ANAPC4: variants seen among roughly 807,000 people sequenced by gnomAD.
ANAPC4 encodes the protein anaphase promoting complex subunit 4.
Under a neutral mutation model 119.8 loss-of-function variants are expected in ANAPC4, and 63 were observed. The observed-to-expected ratio is 0.53, with a 90% confidence interval of 0.43 to 0.65. The LOEUF is 0.65. Among genes scored for constraint, ANAPC4 ranks in the 30% least tolerant of loss-of-function variants. The pLI is 0.00. For missense variants in ANAPC4, 716 were observed against 945.1 expected (o/e 0.76, Z 3.18); for synonymous variants, 283 against 318.6 (o/e 0.89, Z 1.19).
chr4:25,399,236 AT>A (rs1292602344), intron 16 of ANAPC4, among the ~76,000 whole-genome samples: 1 of 152,148 alleles, frequency 6.6e-6, no homozygotes, highest in Non-Finnish European at 1.5e-5. Flanking sequence ...AAATTTAGGA[AT>A]TTTTAACATT....
chr4:25,418,089 TTTCTAATTC>T (rs1723979694), intron 28 of ANAPC4, 57 bp from the exon 29 acceptor site: 1 of 1,394,478 alleles, frequency 7.2e-7, no homozygotes, highest in Admixed American at 2.1e-5. Flanking sequence ...AGACTTCTGA[TTTCTAATTC>T]TTTATATATG....
chr4:25,414,379 C>A lies in ANAPC4; in HGVS notation c.1679C>A (p.Thr560Asn). The change falls in exon 23 of 29, where the codon ACC (threonine) becomes AAC (asparagine). Residue 560 changes from threonine to asparagine, a missense_variant. Physicochemically the swap from Thr to Asn is moderately conservative, Grantham distance 65. Around this residue, in one of 3 missense-constraint regions of ANAPC4, gnomAD observed 504 missense variants for 615.8 expected, o/e 0.82. Coordinates refer to ENST00000315368, the MANE Select transcript of ANAPC4 (RefSeq NM_013367.3). ...ATCTGTATTCCATTGTATAGAGATA[C>A]CAGAAGGTAATTCTGTTTACCTATT... ...QAICIPLYRD[T>N]RSEDSTRRLF... The A allele has an allele frequency of 1.9e-6, 3 of 1,604,424 alleles. No homozygotes were observed. Among genetic ancestry groups the A allele is most frequent in the Non-Finnish European group, 2.6e-6 (3 of 1,173,680 alleles).
At chr4:25,416,819 T>G in intron 27 of ANAPC4, 1 of 332,730 alleles carries the variant, frequency 3.0e-6, no homozygotes, top group Non-Finnish European at 5.4e-6. Flanking sequence ...AAGTATTTGC[T>G]GGAATCAAGG....
chr4:25,380,782 C>T (rs1443088063), intron 3 of ANAPC4, among the ~76,000 whole-genome samples: 1 of 152,120 alleles, frequency 6.6e-6, no homozygotes, highest in East Asian at 1.9e-4. Flanking sequence ...TCATCTTGTC[C>T]TGTATTATTT....
chr4:25,412,931 C>T (rs1166921631), intron 21 of ANAPC4: 1 of 152,066 alleles, frequency 6.6e-6, no homozygotes, highest in East Asian at 1.9e-4. Flanking sequence ...TCCAGCATGG[C>T]TTTATCTAAG....
At chr4:25,404,570 T>C (rs772535591) in intron 17 of ANAPC4, among the ~76,000 whole-genome samples, 2 of 152,044 alleles carry the variant, frequency 1.3e-5, no homozygotes, top group African/African-American at 2.4e-5. Context: ...TACTACATAT[T>C]CTAACTGTAG....
At position 25,394,683 on chromosome 4, in the gene ANAPC4, G is replaced by A; in HGVS notation, c.954G>A (p.Gln318=). 1 of 1,600,274 alleles carries A rather than the reference G, an allele frequency of 6.2e-7. No homozygotes were observed. Among genetic ancestry groups the A allele is most frequent in the Non-Finnish European group, 8.5e-7 (1 of 1,176,086 alleles). The change falls in exon 13 of 29, where the codon CAG becomes CAA. Residue 318 remains glutamine (Q), a synonymous_variant. Transcript: ENST00000315368. The part of the protein sequence containing the change: ...LLWGKASAEL[Q]TLLMNQLTVK... ...TTTTTCATTGTAGTGCTGAACTTCA[G>A]ACTCTCTTGATGAATCAGTTAACAG... is the stretch of plus-strand genomic sequence containing the variant.
At chr4:25,381,203 G>T (rs751128548) in intron 3 of ANAPC4, among the ~76,000 whole-genome samples, 3 of 152,120 alleles carry the variant, frequency 2.0e-5, no homozygotes, top group Non-Finnish European at 2.9e-5. Flanking sequence ...TAATTTTTCT[G>T]TAGATAAATA....
intron 4 of ANAPC4, among the ~76,000 whole-genome samples, chr4:25,383,956 CTCTT>C (rs1263030838): frequency 2.0e-5 from 3 of 152,134 alleles, no homozygotes; most frequent in East Asian, 3.9e-4. Flanking sequence ...CATCAGTTGA[CTCTT>C]TCTTTCAAGA....
At chr4:25,392,308 A>G in intron 9 of ANAPC4, 30 bp from the exon 10 acceptor site, 2 of 1,483,568 alleles carry the variant, frequency 1.3e-6, no homozygotes, top group Non-Finnish European at 1.9e-6. Flanking sequence ...GCATCTGATG[A>G]TGACTCACTT....
chr4:25,388,299 T>C (rs1560432077), intron 4 of ANAPC4, among the ~76,000 whole-genome samples: 1 of 121,862 alleles, frequency 8.2e-6, no homozygotes, highest in Non-Finnish European at 2.0e-5. Context: ...ATGTTTTTTT[T>C]CCCCTAAAAT....
chr4:25,414,251 T>G (rs1416264647), intron 22 of ANAPC4, 73 bp from the exon 23 acceptor site: 1 of 1,070,198 alleles, frequency 9.3e-7, no homozygotes, highest in Non-Finnish European at 1.3e-6. Flanking sequence ...ACAGTGATGG[T>G]CAGTCACTTT....
At chr4:25,389,347 C>T (rs1385824576) in intron 7 of ANAPC4, among the ~76,000 whole-genome samples, 4 of 152,172 alleles carry the variant, frequency 2.6e-5, no homozygotes, top group East Asian at 1.9e-4. Context: ...TTAGTAGGGA[C>T]GGGGTTTCAC....
rs369496007 is a variant in ANAPC4 at position 25,414,405 on chromosome 4, G to A, written c.1685+20G>A. 6.9e-6 allele frequency: 11 copies of A among 1,600,908 alleles called. No individual in the cohort carries two copies. Among genetic ancestry groups the A allele is most frequent in the Non-Finnish European group, 9.4e-6 (11 of 1,171,344 alleles). On this transcript the variant is annotated intron_variant, in intron 23 of 28. Coordinates refer to ENST00000315368, the MANE Select transcript of ANAPC4 (RefSeq NM_013367.3). ...CAGAAGGTAATTCTGTTTACCTATTGGATGGTGTAATTCCGCAGCCAATTT... is the reference window on the plus strand; with the variant it reads ...CAGAAGGTAATTCTGTTTACCTATTAGATGGTGTAATTCCGCAGCCAATTT...
In ANAPC4 at chr4:25,416,588, T is replaced by C. The variant is rs763150398; in HGVS notation, c.2065T>C (p.Tyr689His). 5 of 1,540,858 alleles carry C rather than the reference T, an allele frequency of 3.2e-6. No homozygotes were observed. Among genetic ancestry groups the C allele is most frequent in the Non-Finnish European group, 4.4e-6 (5 of 1,134,844 alleles). ...TGCAGAATATCAGTTCACTGGGACT[T>C]ATTCTACAAGGTAACTAGTAACATT... ...DSAEYQFTGT[Y>H]STRLDEQCSA... Residue 689 changes from tyrosine (Y) to histidine (H), a missense_variant, in exon 27 of 29, where the codon TAT becomes CAT. Physicochemically the swap from Tyr to His is moderately conservative, Grantham distance 83. Transcript: ENST00000315368.
chr4:25,380,369 C>G lies in ANAPC4; in HGVS notation c.130-5C>G. On this transcript the variant is annotated splice_polypyrimidine_tract_variant and splice_region_variant and intron_variant, in intron 2 of 28. Transcript: ENST00000315368. ...TTTCCTGCCATTATATCTGCTTTGT[C>G]TTAGGTTTTACTTCATCGACTGGCA... 3.1e-6 allele frequency: 5 copies of G among 1,605,562 alleles called. No homozygotes were observed. Among genetic ancestry groups the G allele is most frequent in the Non-Finnish European group, 4.3e-6 (5 of 1,174,842 alleles).
chr4:25,411,413 A>G (rs116081530), intron 21 of ANAPC4, among the ~76,000 whole-genome samples: 2,358 of 152,300 alleles, frequency 0.015, 73 homozygotes, highest in African/African-American at 0.054. Flanking sequence ...CTACAGACCT[A>G]ATGGAACTCA....
chr4:25,414,639 A>T lies in ANAPC4; in HGVS notation c.1765A>T (p.Thr589Ser). ...KTSNLHYLLF[T>S]ILEDSLYKMC... ...TTCAAATCTACATTATCTTCTTTTT[A>T]CTATTCTAGAAGATTCACTTTATAA... The change falls in exon 25 of 29, where the codon ACT becomes TCT. Residue 589 changes from threonine to serine, a missense_variant. Physicochemically the swap from Thr to Ser is moderately conservative, Grantham distance 58 (BLOSUM62 1). Coordinates refer to ENST00000315368, the MANE Select transcript of ANAPC4 (RefSeq NM_013367.3). 1 of 1,552,450 alleles carries T rather than the reference A, an allele frequency of 6.4e-7. No individual in the cohort carries two copies.
chr4:25,383,616 A>G (rs1721870768), intron 4 of ANAPC4, among the ~76,000 whole-genome samples: 1 of 152,070 alleles, frequency 6.6e-6, no homozygotes, highest in Admixed American at 6.6e-5. Context: ...GTTCCAGACC[A>G]CTGCAATAAA....
Sources: allele counts gnomAD v4.1 joint callset (sites outside exome capture counted in the v4.1 genomes callset), GRCh38; gene constraint gnomAD v4.1.1; regional missense constraint gnomAD v4.1.1; transcripts MANE v1.5; gene names NCBI Gene and HGNC (gene_info 2026-07-23, HGNC 2026-07-21).